The following CACNA2D1 variants were observed in gnomAD, a reference collection of about 807,000 sequenced individuals.
CACNA2D1 encodes voltage-dependent calcium channel subunit alpha-2/delta-1.
Under a neutral mutation model 171.5 loss-of-function variants are expected in CACNA2D1, and 53 were observed. The ratio of observed to expected loss-of-function variants is 0.31; its 90% CI spans 0.25 to 0.39. The LOEUF is 0.39. Among genes scored for constraint, CACNA2D1 ranks in the 10% least tolerant of loss-of-function variants. The pLI is 1.00. For synonymous variants in CACNA2D1, 442 were observed against 443.1 expected, an observed-to-expected ratio of 1.00 and a Z score of 0.03; for missense variants, 903 against 1,299.8, an observed-to-expected ratio of 0.69 and a Z score of 4.69.
At chr7:82,227,594 C>T (rs1007439640) in intron 3 of CACNA2D1, among the ~76,000 whole-genome samples, 3 of 152,130 alleles carry the variant, frequency 2.0e-5, no homozygotes, top group Admixed American at 2.0e-4. Context: ...ACTAACATAG[C>T]TTAATAATTG....
At chr7:82,253,001 A>G (rs556778093) in intron 3 of CACNA2D1, among the ~76,000 whole-genome samples, 8 of 152,288 alleles carry the variant, frequency 5.3e-5, no homozygotes, top group East Asian at 1.9e-4. Context: ...AGAAAGCCCA[A>G]TTTTAAAGAA....
At chr7:82,181,039 G>A (rs1221025914) in intron 3 of CACNA2D1, among the ~76,000 whole-genome samples, 17 of 61,588 alleles carry the variant, frequency 2.8e-4, no homozygotes, top group Non-Finnish European at 4.7e-4. Flanking sequence ...GGGGCATGTC[G>A]GATTTTTTTT....
intron 6 of CACNA2D1, among the ~76,000 whole-genome samples, chr7:82,094,766 A>C (rs1811660688): frequency 6.6e-6 from 1 of 152,222 alleles, no homozygotes; most frequent in Non-Finnish European, 1.5e-5. Flanking sequence ...AAATGACTTA[A>C]AAGTTTTCCA....
intron 2 of CACNA2D1, among the ~76,000 whole-genome samples, chr7:82,346,368 A>G (rs58915285): frequency 0.13 from 19,038 of 152,224 alleles, 1,881 homozygotes; most frequent in African/African-American, 0.27. Flanking sequence ...AATATTTTAT[A>G]CAGATTGTAT....
At chr7:82,289,089 G>C (rs73374388) in intron 3 of CACNA2D1, among the ~76,000 whole-genome samples, 4,421 of 152,186 alleles carry the variant, frequency 0.029, 227 homozygotes, top group African/African-American at 0.099. Flanking sequence ...AAATAAAGTA[G>C]TTATCTATTT....
intron 1 of CACNA2D1, among the ~76,000 whole-genome samples, chr7:82,421,170 GA>G (rs996149313): frequency 2.6e-5 from 4 of 152,082 alleles, no homozygotes; most frequent in African/African-American, 9.7e-5. Context: ...ATGTTCTAAG[GA>G]GACAGTTTCT....
intron 10 of CACNA2D1, among the ~76,000 whole-genome samples, chr7:82,059,765 G>C (rs1343499814): frequency 6.6e-6 from 1 of 151,266 alleles, no homozygotes; most frequent in South Asian, 2.1e-4. Flanking sequence ...AACAATGATA[G>C]ACTGGATTAA....
At chr7:82,416,296 C>G (rs1828161543) in intron 1 of CACNA2D1, among the ~76,000 whole-genome samples, 1 of 152,038 alleles carries the variant, frequency 6.6e-6, no homozygotes, top group Admixed American at 6.5e-5. Context: ...TGGTATATGA[C>G]AGTATGCTCC....
chr7:82,325,474 A>C (rs1816534869), intron 3 of CACNA2D1, among the ~76,000 whole-genome samples: 1 of 147,098 alleles, frequency 6.8e-6, no homozygotes, highest in Non-Finnish European at 1.5e-5. Flanking sequence ...TGGCTTTTTT[A>C]GTTATAATAA....
chr7:82,331,282 C>A (rs1326100026), intron 3 of CACNA2D1, among the ~76,000 whole-genome samples: 1 of 152,046 alleles, frequency 6.6e-6, no homozygotes, highest in Non-Finnish European at 1.5e-5. Flanking sequence ...TTTGTATATT[C>A]ATGATGTTTT....
intron 24 of CACNA2D1, among the ~76,000 whole-genome samples, chr7:81,975,659 T>C (rs939640123): frequency 6.6e-6 from 1 of 152,220 alleles, no homozygotes; most frequent in African/African-American, 2.4e-5. Context: ...TAAATGAATC[T>C]TTTAAGCATC....
chr7:82,055,930 G>GTATATATATATATATATATATATATA lies in CACNA2D1; in HGVS notation c.879+4497_879+4498insTATATATATATATATATATATATATA, dbSNP rs58786082. Among the ~76,000 whole-genome samples, 592 of 111,290 alleles carry GTATATATATATATATATATATATATA rather than the reference G, an allele frequency of 5.3e-3. 8 individuals carry two copies. The highest frequency in any genetic ancestry group is 0.021 in the Middle Eastern group (4 of 188). 73.0% of individuals were successfully genotyped at this position (111,290 alleles called of 152,430 possible). A position where few individuals can be genotyped will look rare whatever the true frequency, so the allele number is the denominator to read the frequency against. On this transcript the variant is annotated intron_variant, in intron 10 of 38. Coordinates refer to ENST00000356860, the MANE Select transcript of CACNA2D1 (RefSeq NM_000722.4). ...AAGTATAATAAATATGTGTGTGTGT[G>GTATATATATATATATATATATATATA]TATATATATATATATATAATTTTTT...
intron 5 of CACNA2D1, among the ~76,000 whole-genome samples, chr7:82,119,059 A>T (rs1217966577): frequency 6.6e-6 from 1 of 152,098 alleles, no homozygotes; most frequent in Non-Finnish European, 1.5e-5. Flanking sequence ...TATACAAAGG[A>T]CCTGACTTTT....
chr7:82,102,194 T>C (rs1812754207), intron 6 of CACNA2D1, among the ~76,000 whole-genome samples: 1 of 152,036 alleles, frequency 6.6e-6, no homozygotes, highest in South Asian at 2.1e-4. Context: ...ATTGTGCAGC[T>C]CCTGAAAATC....
chr7:81,961,842 G>A, intron 36 of CACNA2D1, 52 bp downstream of exon 36: 7 of 433,218 alleles, frequency 1.6e-5, no homozygotes, highest in Middle Eastern at 4.8e-4. Flanking sequence ...GATTATAACA[G>A]TATATACAAT....
At chr7:82,380,751 G>A (rs62465968) in intron 1 of CACNA2D1, among the ~76,000 whole-genome samples, 1 of 151,910 alleles carries the variant, frequency 6.6e-6, no homozygotes, top group Non-Finnish European at 1.5e-5. Context: ...CTGGTGTGCG[G>A]TGGCATGATC....
At chr7:82,248,469 A>G (rs551036975) in intron 3 of CACNA2D1, among the ~76,000 whole-genome samples, 13 of 152,340 alleles carry the variant, frequency 8.5e-5, no homozygotes, top group Middle Eastern at 3.4e-3. Context: ...CATTTAAAAG[A>G]GGATTTTAAT....
intron 26 of CACNA2D1, chr7:81,971,180 G>A (rs1795225595): frequency 5.1e-6 from 1 of 197,662 alleles, no homozygotes; most frequent in African/African-American, 2.4e-5. Flanking sequence ...AGCTTCACCT[G>A]TATCTTGAAC....
intron 4 of CACNA2D1, among the ~76,000 whole-genome samples, chr7:82,166,939 G>A (rs962831796): frequency 6.6e-6 from 1 of 152,000 alleles, no homozygotes; most frequent in African/African-American, 2.4e-5. Context: ...TTTTGTTCTT[G>A]TTGTTCATGA....
Sources: gnomAD v4.1 joint callset for allele counts (sites outside exome capture counted in the v4.1 genomes callset) on GRCh38, gnomAD v4.1.1 for gene constraint, MANE v1.5 for transcripts, NCBI Gene and HGNC (gene_info 2026-07-23, HGNC 2026-07-21) for gene names.